PCDHA7: variants seen among roughly 807,000 people sequenced by gnomAD.
PCDHA7 encodes the protein protocadherin alpha 7.
Under a neutral mutation model 57.2 loss-of-function variants are expected in PCDHA7, and 37 were observed. The ratio of observed to expected loss-of-function variants is 0.65; its 90% CI spans 0.50 to 0.85. PCDHA7 has a LOEUF of 0.85. Ranked by LOEUF, PCDHA7 falls within the 40% of genes least tolerant of loss-of-function variation. The pLI, the probability that PCDHA7 is intolerant of heterozygous loss-of-function variation, is 0.00. For missense variants in PCDHA7, 1,188 were observed against 1,241.8 expected (o/e 0.96, Z 0.65); for synonymous variants, 553 against 558.8 (o/e 0.99, Z 0.15).
intron 1 of PCDHA7, chr5:140,927,933 C>T (rs1273187123): frequency 1.9e-6 from 3 of 1,614,090 alleles, no homozygotes; most frequent in African/African-American, 2.7e-5. Context: ...CTCTTTCGAA[C>T]CCAGTACCTG....
Position 140,836,303 on chromosome 5 carries a change from G to C in PCDHA7, c.1920G>C (p.Thr640=). Reference sequence around the variant, plus strand: ...GCACGACACGAGCCCTAGATGAGACGGACGCACCGCGCCACCGCCTTCTGG... The same window carrying C: ...GCACGACACGAGCCCTAGATGAGACCGACGCACCGCGCCACCGCCTTCTGG... ...EISTTRALDE[T]DAPRHRLLVL... is the part of the protein sequence containing the mutation. Residue 640 remains threonine, a synonymous_variant, in exon 1 of 4, where the codon ACG becomes ACC. Transcript: ENST00000525929. The C allele has an allele frequency of 6.2e-7, 1 of 1,613,706 alleles. No individual in the cohort carries two copies. The highest frequency in any genetic ancestry group is 2.2e-5 in the East Asian group (1 of 44,850).
chr5:140,933,677 T>C (rs1024721491), intron 1 of PCDHA7, among the ~76,000 whole-genome samples: 1 of 151,826 alleles, frequency 6.6e-6, no homozygotes, highest in Non-Finnish European at 1.5e-5. Flanking sequence ...CTCTCTCACA[T>C]TTTTTTTCCT....
At chr5:140,990,367 A>G (rs1162635749) in intron 3 of PCDHA7, among the ~76,000 whole-genome samples, 1 of 152,104 alleles carries the variant, frequency 6.6e-6, no homozygotes, top group Non-Finnish European at 1.5e-5. Context: ...AATCTAATAA[A>G]GCAAATTTGT....
At chr5:140,882,950 C>G (rs1197710877) in intron 1 of PCDHA7, 1 of 1,614,098 alleles carries the variant, frequency 6.2e-7, no homozygotes, top group Non-Finnish European at 8.5e-7. Context: ...CACAGTTCAG[C>G]TGCTCATCAC....
At chr5:140,954,237 A>G (rs1442141242) in intron 1 of PCDHA7, among the ~76,000 whole-genome samples, 14 of 152,338 alleles carry the variant, frequency 9.2e-5, no homozygotes, top group Middle Eastern at 3.4e-3. Flanking sequence ...TAGTGCTGCA[A>G]TGAACATACA....
intron 3 of PCDHA7, among the ~76,000 whole-genome samples, chr5:140,990,421 G>A (rs374181612): frequency 2.6e-5 from 4 of 152,190 alleles, no homozygotes; most frequent in Non-Finnish European, 5.9e-5. Flanking sequence ...CTTTCAACCA[G>A]CATTGACCCA....
At chr5:140,985,487 A>C (rs1554247112) in intron 3 of PCDHA7, among the ~76,000 whole-genome samples, 1 of 152,162 alleles carries the variant, frequency 6.6e-6, no homozygotes, top group Non-Finnish European at 1.5e-5. Context: ...TCCAGACTCA[A>C]ATAGAGCCTG....
rs1397274162 is a variant in PCDHA7, at chr5:140,845,104, T to G, written c.2355+8366T>G. 8.0e-5 allele frequency among the ~76,000 whole-genome samples: 12 copies of G among 149,722 alleles called. 2 individuals are homozygous for G. In the Admixed American group the frequency reaches 8.0e-4, roughly 10 times the overall value. On this transcript the variant is annotated intron_variant, in intron 1 of 3. Transcript: ENST00000525929. ...GTAGTTTATTTTACAGTTCTCTTAA[T>G]GCCTGTCCATGTTTAGCATTTTATT... is the stretch of plus-strand genomic sequence containing the variant.
intron 1 of PCDHA7, among the ~76,000 whole-genome samples, chr5:140,950,960 A>G (rs2094536305): frequency 6.6e-6 from 1 of 151,564 alleles, no homozygotes. Flanking sequence ...CTATTGATCT[A>G]TTTTCAGATT....
In PCDHA7 at chr5:140,979,026, A is replaced by AT. The variant is rs2096832382; in HGVS notation, c.2414+21dup. On this transcript the variant is annotated intron_variant, in intron 2 of 3. Coordinates refer to ENST00000525929, the MANE Select transcript of PCDHA7 (RefSeq NM_018910.3). ...TGCACAGGTATGTATTTCCCTCCTC[A>AT]TTCACTCAGAAGTAACCTTAACTTG... 1 of 1,613,372 alleles carries AT rather than the reference A, an allele frequency of 6.2e-7. No homozygotes were observed. The highest frequency in any genetic ancestry group is 1.3e-5 in the African/African-American group (1 of 74,882).
At chr5:140,843,709 C>T in intron 1 of PCDHA7, 1 of 1,574,864 alleles carries the variant, frequency 6.3e-7, no homozygotes, top group Non-Finnish European at 8.7e-7. Flanking sequence ...TTGATCATGG[C>T]CTCAAAGTAA....
Position 140,842,704 on chromosome 5 carries a change from G to T in PCDHA7, c.2355+5966G>T, listed in dbSNP as rs151170990. 1.9e-4 allele frequency: 301 copies of T among 1,595,236 alleles called. 23 individuals are homozygous for T. In the African/African-American group the frequency reaches 3.7e-3, roughly 20 times the overall value. On this transcript the variant is annotated intron_variant, in intron 1 of 3. Transcript: ENST00000525929. ...CGGCGTTCGCGCAGCCCGAGTACAC[G>T]GTGTTCGTGAAGGAGAACAACCCGC...
rs574855184 is a variant in PCDHA7 at position 140,890,340 on chromosome 5, G to C, written c.2355+53602G>C. ...TTTAAGATATTAGGTAGTTGGGATG[G>C]TTTACTATATAGCAATGGATAACCT... On this transcript the variant is annotated intron_variant, in intron 1 of 3. Coordinates refer to ENST00000525929, the MANE Select transcript of PCDHA7 (RefSeq NM_018910.3). 9.1e-4 allele frequency among the ~76,000 whole-genome samples: 139 copies of C among 152,222 alleles called. 2 individuals are homozygous for C. The Middle Eastern group carries it at 0.017, about 19-fold the overall frequency.
chr5:140,966,161 CT>C, intron 1 of PCDHA7: 1 of 175,442 alleles, frequency 5.7e-6, no homozygotes. Context: ...GCTTGGAGAT[CT>C]TTTCCTGGGG....
At chr5:140,842,814 G>C (rs1581016277) in intron 1 of PCDHA7, 1 of 1,593,900 alleles carries the variant, frequency 6.3e-7, no homozygotes, top group African/African-American at 1.3e-5. Context: ...GTGGAGCGGC[G>C]GGTGGGCGAG....
At chr5:140,995,132 A>G (rs2097665905) in intron 3 of PCDHA7, among the ~76,000 whole-genome samples, 1 of 152,222 alleles carries the variant, frequency 6.6e-6, no homozygotes, top group African/African-American at 2.4e-5. Flanking sequence ...CTGAAACCTC[A>G]TTTAGTACTG....
chr5:140,988,707 G>A (rs2097310016), intron 3 of PCDHA7, among the ~76,000 whole-genome samples: 1 of 152,106 alleles, frequency 6.6e-6, no homozygotes, highest in African/African-American at 2.4e-5. Context: ...TATTTTCTTG[G>A]ACCTCTCATT....
intron 1 of PCDHA7, among the ~76,000 whole-genome samples, chr5:140,950,920 T>TTTCTGCTACTTTTAACTG (rs1554219690): frequency 2.6e-5 from 4 of 152,202 alleles, no homozygotes; most frequent in African/African-American, 9.6e-5. Context: ...TTATTTCAGT[T>TTTCTGCTACTTTTAACTG]CTTTTTCTTT....
chr5:140,843,337 C>A lies in PCDHA7; in HGVS notation c.2355+6599C>A, dbSNP rs2150357766. On this transcript the variant is annotated intron_variant, in intron 1 of 3. Coordinates refer to ENST00000525929, the MANE Select transcript of PCDHA7 (RefSeq NM_018910.3). ...CGGTTCTGGTGTCGCTGGTGGAGAGCGGCCAGGCTCCAAAAGCGTCATCGA... is the reference window on the plus strand; with the variant it reads ...CGGTTCTGGTGTCGCTGGTGGAGAGAGGCCAGGCTCCAAAAGCGTCATCGA... 16 of 1,596,000 alleles carry A rather than the reference C, an allele frequency of 1.0e-5. 3 individuals carry two copies. Among genetic ancestry groups the A allele is most frequent in the Non-Finnish European group, 1.2e-5 (14 of 1,165,568 alleles).
Sources: allele counts gnomAD v4.1 joint callset (sites outside exome capture counted in the v4.1 genomes callset), GRCh38; gene constraint gnomAD v4.1.1; transcripts MANE v1.5; gene names NCBI Gene and HGNC (gene_info 2026-07-23, HGNC 2026-07-21).